The following C11orf65 variants were observed in gnomAD, a reference collection of about 807,000 sequenced individuals.
C11orf65 encodes protein MFI.
Under a neutral mutation model 35.3 loss-of-function variants are expected in C11orf65, and 38 were observed. The ratio of observed to expected loss-of-function variants is 1.08; its 90% CI spans 0.83 to 1.41. C11orf65 has a LOEUF of 1.41. C11orf65 is among the 40% of genes most tolerant of loss of function. C11orf65 has a pLI of 0.00. For synonymous variants in C11orf65, 105 were observed against 114.4 expected, an observed-to-expected ratio of 0.92 and a Z score of 0.53; for missense variants, 370 against 367.1, an observed-to-expected ratio of 1.01 and a Z score of -0.06.
At chr11:108,366,692 C>CTGAT (rs1555153057) in intron 2 of C11orf65, 36 of 231,256 alleles carry the variant, frequency 1.6e-4, no homozygotes, top group Middle Eastern at 1.3e-3. Flanking sequence ...AGCATAAATA[C>CTGAT]TGATAGGAGA....
intron 2 of C11orf65, among the ~76,000 whole-genome samples, chr11:108,453,388 A>C (rs149220664): frequency 0.011 from 1,677 of 152,250 alleles, 26 homozygotes; most frequent in African/African-American, 0.038. Context: ...TGGTAGCCTT[A>C]AGCCCAATGA....
chr11:108,379,068 G>T (rs1254708039), downstream of C11orf65, among the ~76,000 whole-genome samples: 2 of 152,096 alleles, frequency 1.3e-5, no homozygotes, highest in South Asian at 4.1e-4. Flanking sequence ...AGTCAGTGTG[G>T]CGATTCCTCG....
intron 6 of C11orf65, among the ~76,000 whole-genome samples, chr11:108,403,259 A>G (rs2092471837): frequency 6.6e-6 from 1 of 152,170 alleles, no homozygotes; most frequent in Admixed American, 6.5e-5. Context: ...GTGGGTGTGT[A>G]GGGGTATCTC....
At chr11:108,371,808 C>T (rs969679649) in intron 2 of C11orf65, among the ~76,000 whole-genome samples, 2 of 152,204 alleles carry the variant, frequency 1.3e-5, no homozygotes, top group Non-Finnish European at 2.9e-5. Flanking sequence ...AGCCACCATA[C>T]TGTTTTTCCA....
chr11:108,399,487 T>G (rs2092395023), intron 6 of C11orf65, among the ~76,000 whole-genome samples: 1 of 152,252 alleles, frequency 6.6e-6, no homozygotes, highest in East Asian at 1.9e-4. Flanking sequence ...ACCGAGGAAT[T>G]GAAATCATTA....
At chr11:108,405,097 C>T (rs191705653) in intron 6 of C11orf65, among the ~76,000 whole-genome samples, 5 of 152,200 alleles carry the variant, frequency 3.3e-5, no homozygotes, top group African/African-American at 9.7e-5. Flanking sequence ...GCTTTTTACT[C>T]GGGAAGTCCA....
At chr11:108,443,471 A>T (rs967213908) in intron 2 of C11orf65, among the ~76,000 whole-genome samples, 2 of 152,184 alleles carry the variant, frequency 1.3e-5, no homozygotes, top group Non-Finnish European at 2.9e-5. Flanking sequence ...TGCACCAAGC[A>T]GACCTCATAG....
chr11:108,336,164 A>T, intron 2 of C11orf65: 1 of 495,720 alleles, frequency 2.0e-6, no homozygotes, highest in Non-Finnish European at 3.6e-6. Flanking sequence ...AAAGCCAGAG[A>T]TGATGGCATG....
intron 7 of C11orf65, among the ~76,000 whole-genome samples, chr11:108,392,633 G>GTA (rs1209703314): frequency 6.6e-6 from 1 of 152,178 alleles, no homozygotes; most frequent in Non-Finnish European, 1.5e-5. Flanking sequence ...CACTAGCAGT[G>GTA]TATGAGTTCC....
chr11:108,357,364 G>A, intron 2 of C11orf65, among the ~76,000 whole-genome samples: 1 of 152,248 alleles, frequency 6.6e-6, no homozygotes, highest in East Asian at 1.9e-4. Flanking sequence ...AGCGAGGCTG[G>A]GGGAGGGGCG....
chr11:108,347,239 G>C (rs2088531689), intron 2 of C11orf65: 1 of 1,380,936 alleles, frequency 7.2e-7, no homozygotes, highest in South Asian at 1.2e-5. Context: ...GAAAGAGATG[G>C]AATCAGTGAT....
At chr11:108,343,987 C>T (rs971839113) in intron 2 of C11orf65, among the ~76,000 whole-genome samples, 17 of 152,122 alleles carry the variant, frequency 1.1e-4, no homozygotes, top group South Asian at 8.3e-4. Context: ...TCAAATATTA[C>T]GACTAATCAT....
At chr11:108,418,820 T>C (rs548263321) in intron 3 of C11orf65, among the ~76,000 whole-genome samples, 2 of 152,120 alleles carry the variant, frequency 1.3e-5, no homozygotes, top group Admixed American at 6.5e-5. Flanking sequence ...AAGATAACTA[T>C]TACAGATTCT....
chr11:108,458,443 G>A (rs112491867), intron 2 of C11orf65, among the ~76,000 whole-genome samples: 1 of 151,638 alleles, frequency 6.6e-6, no homozygotes, highest in South Asian at 2.1e-4. Context: ...GAGTCAGCAT[G>A]GTCTTCAAAG....
At chr11:108,349,951 G>C (rs1197454884) in intron 2 of C11orf65, among the ~76,000 whole-genome samples, 1 of 152,176 alleles carries the variant, frequency 6.6e-6, no homozygotes, top group Non-Finnish European at 1.5e-5. Context: ...TCTTAAGCTG[G>C]AGAGGAAGGA....
At position 108,323,364 on chromosome 11, in the gene C11orf65, A is replaced by G. The variant is rs189422256; in HGVS notation, c.641-14293T>C. On this transcript the variant is annotated intron_variant, in intron 6 of 6. Coordinates refer to the C11orf65 transcript ENST00000525729. The stretch of plus-strand genomic sequence containing the variant: ...AAGAGTACAGAATTCTTTAAGAAAC[A>G]GTGAATAGAATGGTAGTAACCAGAG... Among the ~76,000 whole-genome samples, 36 of 152,308 alleles carry G rather than the reference A, an allele frequency of 2.4e-4. No homozygotes were observed. The East Asian group carries it at 6.8e-3, about 29-fold the overall frequency.
At chr11:108,338,114 C>T (rs1162964397) in intron 2 of C11orf65, among the ~76,000 whole-genome samples, 2 of 152,232 alleles carry the variant, frequency 1.3e-5, no homozygotes, top group African/African-American at 2.4e-5. Context: ...TTCAGGAGGC[C>T]GAGGTGGGCG....
downstream of C11orf65, chr11:108,330,186 G>A (rs2136449536): frequency 1.2e-6 from 2 of 1,601,312 alleles, no homozygotes; most frequent in Non-Finnish European, 1.7e-6. Flanking sequence ...CATGGCTTTT[G>A]TGTTTTACCT....
chr11:108,445,124 A>T (rs2093231847), intron 2 of C11orf65, among the ~76,000 whole-genome samples: 1 of 152,180 alleles, frequency 6.6e-6, no homozygotes, highest in African/African-American at 2.4e-5. Context: ...AACTGGATGG[A>T]GCCCACCACA....
Sources: allele counts gnomAD v4.1 joint callset (sites outside exome capture counted in the v4.1 genomes callset), GRCh38; gene constraint gnomAD v4.1.1; transcripts MANE v1.5; gene names NCBI Gene and HGNC (gene_info 2026-07-23, HGNC 2026-07-21).